Variants in FNDC3B observed in about 807,000 individuals in gnomAD.
The protein encoded by FNDC3B is fibronectin type III domain-containing protein 3B.
In FNDC3B, 12 loss-of-function variants were observed where a neutral mutation model predicts 151.5. The ratio of observed to expected loss-of-function variants is 0.08; its 90% confidence interval spans 0.05 to 0.13. The LOEUF is 0.13. Among genes scored for constraint, FNDC3B ranks in the 10% least tolerant of loss-of-function variants. The probability of loss-of-function intolerance (pLI) is 1.00; values close to 1 mark genes in which losing one functional copy is unlikely to be tolerated. For synonymous variants in FNDC3B, 528 were observed against 549.0 expected (o/e 0.96, Z 0.54); for missense variants, 1,214 against 1,505.3 (o/e 0.81, Z 3.20).
chr3:172,088,473 G>C (rs1315415422), intron 1 of FNDC3B, among the ~76,000 whole-genome samples: 1 of 152,186 alleles, frequency 6.6e-6, no homozygotes, highest in Non-Finnish European at 1.5e-5. Flanking sequence ...CCCATGTAAA[G>C]TATGTTTTAA....
chr3:172,103,654 T>A (rs1719482586), intron 1 of FNDC3B, among the ~76,000 whole-genome samples: 2 of 152,306 alleles, frequency 1.3e-5, no homozygotes, highest in South Asian at 4.1e-4. Context: ...TATTTTAATC[T>A]GAAGTGGTGG....
intron 23 of FNDC3B, 145 bp from the exon 24 acceptor site, chr3:172,378,125 T>C (rs1735246767): frequency 1.7e-6 from 1 of 592,996 alleles, no homozygotes; most frequent in Admixed American, 3.6e-5. Context: ...TTAACCCTAA[T>C]GTAGCAACTG....
intron 3 of FNDC3B, among the ~76,000 whole-genome samples, chr3:172,149,237 T>C (rs1397714329): frequency 6.6e-6 from 1 of 152,234 alleles, no homozygotes; most frequent in Admixed American, 6.5e-5. Flanking sequence ...GAAAAGTCAT[T>C]GGACTTGAAT....
At chr3:172,169,593 G>C (rs1229710032) in intron 3 of FNDC3B, among the ~76,000 whole-genome samples, 2 of 152,174 alleles carry the variant, frequency 1.3e-5, no homozygotes, top group Non-Finnish European at 2.9e-5. Context: ...CCACTCCATG[G>C]ATGGGGCCAC....
In FNDC3B at chr3:172,397,606, A is replaced by C; in HGVS notation, c.*131A>C. On this transcript the variant is annotated 3_prime_UTR_variant, in exon 26 of 26. Transcript: ENST00000415807. ...TGTTTTACAGATTTAGCTAGAAAAA[A>C]AATGTCAGTGTTTTGGTGCACCTTT... is the stretch of plus-strand genomic sequence containing the variant. 2 of 495,252 alleles carry C rather than the reference A, an allele frequency of 4.0e-6. No individual in the cohort carries two copies. Among genetic ancestry groups the C allele is most frequent in the Admixed American group, 4.2e-5 (1 of 23,666 alleles). The allele number at this position is 495,252 out of a possible 1,614,324, so 30.7% of individuals were successfully genotyped here.
At position 172,377,832 on chromosome 3, in the gene FNDC3B, G is replaced by A. The variant is rs372826911; in HGVS notation, c.3009-438G>A. On this transcript the variant is annotated intron_variant, in intron 23 of 25. Coordinates refer to ENST00000415807, the MANE Select transcript of FNDC3B (RefSeq NM_022763.4). Reference sequence around the variant, plus strand: ...AATTAAAAGCATTTCTGGCCAAACCGCAGTTATTTGCAAAATTTGGCTAAA... The same window carrying A: ...AATTAAAAGCATTTCTGGCCAAACCACAGTTATTTGCAAAATTTGGCTAAA... Among the ~76,000 whole-genome samples, 17 of 152,214 alleles carry A rather than the reference G, an allele frequency of 1.1e-4. No homozygotes were observed. In the East Asian group the frequency reaches 1.4e-3, roughly 12 times the overall value.
At chr3:172,344,329 G>A (rs912268571) in intron 19 of FNDC3B, 71 bp downstream of exon 19, 5 of 1,406,976 alleles carry the variant, frequency 3.6e-6, no homozygotes, top group African/African-American at 1.5e-5. Context: ...TAGCACTTCT[G>A]TCTCTAGCCT....
intron 3 of FNDC3B, chr3:172,134,332 G>A (rs777639261): frequency 2.3e-5 from 12 of 516,618 alleles, no homozygotes; most frequent in Non-Finnish European, 4.3e-5. Flanking sequence ...GATCAACCTA[G>A]ATCTGATGTT....
intron 23 of FNDC3B, among the ~76,000 whole-genome samples, chr3:172,378,055 C>T (rs1379002562): frequency 6.6e-6 from 1 of 152,108 alleles, no homozygotes; most frequent in Non-Finnish European, 1.5e-5. Flanking sequence ...TCATTCCAGT[C>T]TTTATATGTG....
chr3:172,145,796 G>A (rs1721876508), intron 3 of FNDC3B, among the ~76,000 whole-genome samples: 1 of 149,500 alleles, frequency 6.7e-6, no homozygotes, highest in Non-Finnish European at 1.5e-5. Context: ...GTGTAAACTT[G>A]AAATAGGTTT....
chr3:172,198,275 G>C (rs1208416616), intron 3 of FNDC3B, among the ~76,000 whole-genome samples: 1 of 152,052 alleles, frequency 6.6e-6, no homozygotes, highest in Admixed American at 6.5e-5. Flanking sequence ...TCTGTGGGGG[G>C]GTACATGTGC....
Position 172,353,621 on chromosome 3 carries a change from C to T in FNDC3B, c.2795+538C>T, listed in dbSNP as rs564744328. Among the ~76,000 whole-genome samples the T allele has an allele frequency of 3.9e-5, 6 of 152,206 alleles. No homozygotes were observed. The East Asian group carries it at 9.7e-4, about 24-fold the overall frequency. On this transcript the variant is annotated intron_variant, in intron 22 of 25. Coordinates refer to ENST00000415807, the MANE Select transcript of FNDC3B (RefSeq NM_022763.4). The stretch of plus-strand genomic sequence containing the variant: ...GTTTACTAATTAAATGCCAGGTAAC[C>T]GTTGAAATTATCAAAAACATCTTCC...
At chr3:172,105,069 T>G (rs1719575271) in intron 1 of FNDC3B, among the ~76,000 whole-genome samples, 1 of 152,176 alleles carries the variant, frequency 6.6e-6, no homozygotes. Context: ...GTGCCCCAAC[T>G]GACTACCTTG....
intron 1 of FNDC3B, among the ~76,000 whole-genome samples, chr3:172,059,566 C>T (rs1717087272): frequency 6.6e-6 from 1 of 151,988 alleles, no homozygotes. Context: ...AACTGGCCAC[C>T]TGGCCTCTGT....
rs71975191 is a variant in FNDC3B at position 172,050,700 on chromosome 3, C to CGTGTGT, written c.-29+10958_-29+10963dup. Among the ~76,000 whole-genome samples the CGTGTGT allele has an allele frequency of 2.5e-3, 368 of 145,074 alleles. 1 individual carries two copies. Among genetic ancestry groups the CGTGTGT allele is most frequent in the African/African-American group, 8.6e-3 (333 of 38,650 alleles). ...CGCCCAGCCTTTGTGGGTATATTTT[C>CGTGTGT]GTGTGTGTGTGTGTGTGTGTGTGTG... On this transcript the variant is annotated intron_variant, in intron 1 of 25. Transcript: ENST00000415807.
chr3:172,340,698 C>G (rs1300118839), intron 16 of FNDC3B, among the ~76,000 whole-genome samples: 1 of 152,180 alleles, frequency 6.6e-6, no homozygotes, highest in East Asian at 1.9e-4. Flanking sequence ...TTCTTGCGTA[C>G]CACCCCAGAC....
chr3:172,328,903 TTG>T (rs1300158809), intron 11 of FNDC3B, 47 bp from the exon 12 acceptor site: 5 of 1,439,912 alleles, frequency 3.5e-6, no homozygotes, highest in South Asian at 2.7e-5. Context: ...GGGTTATCTG[TTG>T]TTTTTTTTTT....
chr3:172,119,552 G>A (rs1720434100), intron 2 of FNDC3B, among the ~76,000 whole-genome samples: 1 of 152,142 alleles, frequency 6.6e-6, no homozygotes, highest in African/African-American at 2.4e-5. Context: ...GCTGAGCCTG[G>A]GTCAGATCAG....
At chr3:172,353,623 T>C (rs892052153) in intron 22 of FNDC3B, among the ~76,000 whole-genome samples, 2 of 152,150 alleles carry the variant, frequency 1.3e-5, no homozygotes, top group Admixed American at 6.5e-5. Flanking sequence ...CAGGTAACCG[T>C]TGAAATTATC....
Sources: allele counts gnomAD v4.1 joint callset (sites outside exome capture counted in the v4.1 genomes callset), GRCh38; gene constraint gnomAD v4.1.1; transcripts MANE v1.5; gene names NCBI Gene and HGNC (gene_info 2026-07-23, HGNC 2026-07-21).